The following TRIP12 variants were observed in gnomAD, a reference collection of about 807,000 sequenced individuals.
The protein encoded by TRIP12 is E3 ubiquitin-protein ligase TRIP12.
In TRIP12, 25 loss-of-function variants were observed where a neutral mutation model predicts 244.2. That is an observed-to-expected ratio of 0.10 (90% confidence interval 0.07 to 0.14). The LOEUF (loss-of-function observed/expected upper bound fraction) is 0.14. Ranked by LOEUF, TRIP12 falls within the 10% of genes least tolerant of loss-of-function variation. The pLI, the probability that TRIP12 is intolerant of heterozygous loss-of-function variation, is 1.00. For synonymous variants in TRIP12, 905 were observed against 873.1 expected (o/e 1.04, Z -0.64); for missense variants, 1,677 against 2,486.4 (o/e 0.67, Z 6.92).
intron 29 of TRIP12, among the ~76,000 whole-genome samples, chr2:229,791,598 CTTAA>C (rs771235615): frequency 2.7e-4 from 41 of 152,152 alleles, no homozygotes; most frequent in Non-Finnish European, 5.6e-4. Context: ...ACATTTTTGT[CTTAA>C]TTAAAGACCT....
intron 8 of TRIP12, among the ~76,000 whole-genome samples, chr2:229,822,481 C>A (rs1490796291): frequency 6.6e-6 from 1 of 152,196 alleles, no homozygotes; most frequent in Non-Finnish European, 1.5e-5. Flanking sequence ...TGAAATGAGT[C>A]ATACCAAAAT....
At chr2:229,810,299 C>G (rs1002464093) in intron 15 of TRIP12, among the ~76,000 whole-genome samples, 8 of 152,214 alleles carry the variant, frequency 5.3e-5, no homozygotes, top group Admixed American at 5.2e-4. Flanking sequence ...GAGGAATGGT[C>G]AACTGCAAGA....
At chr2:229,867,517 A>C (rs2061777664) in intron 2 of TRIP12, among the ~76,000 whole-genome samples, 3 of 151,960 alleles carry the variant, frequency 2.0e-5, no homozygotes, top group African/African-American at 7.2e-5. Context: ...AGGGAGGAAA[A>C]CACCACTATT....
chr2:229,797,960 T>C (rs2043224059), intron 23 of TRIP12, 129 bp from the exon 24 acceptor site: 3 of 915,926 alleles, frequency 3.3e-6, no homozygotes, highest in Admixed American at 6.2e-5. Context: ...AAACTCCAGA[T>C]TCCATAACCA....
chr2:229,844,744 A>G (rs1049595788), intron 4 of TRIP12, among the ~76,000 whole-genome samples: 2 of 152,242 alleles, frequency 1.3e-5, no homozygotes, highest in African/African-American at 2.4e-5. Flanking sequence ...TCTTCATTCC[A>G]TAAGTAATTA....
chr2:229,917,323 G>GT (rs943334569), intron 1 of TRIP12, among the ~76,000 whole-genome samples: 1 of 125,828 alleles, frequency 7.9e-6, no homozygotes, highest in Non-Finnish European at 1.6e-5. Context: ...GGAGCCTGCA[G>GT]TGAGCCAAGA....
At chr2:229,829,354 T>C in intron 7 of TRIP12, 66 bp from the exon 8 acceptor site, 1 of 1,318,108 alleles carries the variant, frequency 7.6e-7, no homozygotes, top group Non-Finnish European at 1.1e-6. Flanking sequence ...TATCTAAAAA[T>C]TTCAAGTAAC....
chr2:229,793,520 T>C (rs2042060994), intron 26 of TRIP12, among the ~76,000 whole-genome samples: 1 of 151,978 alleles, frequency 6.6e-6, no homozygotes, highest in Non-Finnish European at 1.5e-5. Context: ...TCCTATTGAA[T>C]TATATTTTTT....
chr2:229,894,834 G>A (rs1241853514), intron 1 of TRIP12, among the ~76,000 whole-genome samples: 2 of 152,166 alleles, frequency 1.3e-5, no homozygotes, highest in East Asian at 3.8e-4. Flanking sequence ...TACAGGGATA[G>A]AACTTGAGGT....
chr2:229,886,376 G>A (rs78103905), intron 1 of TRIP12, among the ~76,000 whole-genome samples: 2,144 of 152,226 alleles, frequency 0.014, 54 homozygotes, highest in African/African-American at 0.048. Flanking sequence ...AAAGGGCTAC[G>A]TTAGGGTCTG....
In TRIP12 at chr2:229,774,013, C is replaced by G. The variant is rs372441818; in HGVS notation, c.5694+84G>C. On this transcript the variant is annotated intron_variant, in intron 38 of 41. Coordinates refer to ENST00000675903, the MANE Select transcript of TRIP12 (RefSeq NM_001348323.3). ...GGATGTGGAAGGTCTCAAGCCATAG[C>G]GTGTGCAGCCAGAAGCAAGGTACAA... 13 of 1,435,550 alleles carry G rather than the reference C, an allele frequency of 9.1e-6. No individual in the cohort carries two copies. The Admixed American group carries it at 2.3e-4, about 26-fold the overall frequency. 88.9% of individuals were successfully genotyped at this position (1,435,550 alleles called of 1,614,324 possible). A position where few individuals can be genotyped will look rare whatever the true frequency, so the allele number is the denominator to read the frequency against.
At chr2:229,779,839 T>G (rs1338829712) in intron 34 of TRIP12, among the ~76,000 whole-genome samples, 1 of 152,168 alleles carries the variant, frequency 6.6e-6, no homozygotes, top group Non-Finnish European at 1.5e-5. Context: ...AGACACCTGA[T>G]GTGGACATGC....
intron 1 of TRIP12, among the ~76,000 whole-genome samples, 163 bp from the exon 2 acceptor site, chr2:229,880,291 TCAA>T (rs2064557902): frequency 6.6e-6 from 1 of 152,228 alleles, no homozygotes; most frequent in Non-Finnish European, 1.5e-5. Context: ...GTCTGACTGA[TCAA>T]CGTGTTAACA....
intron 1 of TRIP12, among the ~76,000 whole-genome samples, chr2:229,893,430 T>G (rs914547183): frequency 6.6e-6 from 1 of 151,908 alleles, no homozygotes; most frequent in Non-Finnish European, 1.5e-5. Context: ...CAAGAAACTT[T>G]CCTCACGCTC....
At chr2:229,835,026 T>C (rs990561523) in intron 6 of TRIP12, among the ~76,000 whole-genome samples, 2 of 152,234 alleles carry the variant, frequency 1.3e-5, no homozygotes, top group African/African-American at 4.8e-5. Context: ...ATTTAGGTAT[T>C]TTCTTCTACA....
At chr2:229,856,590 C>G (rs1425249941) in intron 4 of TRIP12, among the ~76,000 whole-genome samples, 1 of 152,214 alleles carries the variant, frequency 6.6e-6, no homozygotes, top group African/African-American at 2.4e-5. Flanking sequence ...GAGATGAGTT[C>G]TTCAAGTGAG....
intron 4 of TRIP12, among the ~76,000 whole-genome samples, chr2:229,844,245 C>T (rs549408487): frequency 6.6e-6 from 1 of 152,152 alleles, no homozygotes; most frequent in Non-Finnish European, 1.5e-5. Flanking sequence ...TTAAAATGTA[C>T]TTCTCATTAC....
intron 4 of TRIP12, among the ~76,000 whole-genome samples, chr2:229,854,627 A>G (rs1374577079): frequency 6.6e-6 from 1 of 152,238 alleles, no homozygotes; most frequent in Non-Finnish European, 1.5e-5. Flanking sequence ...ACTCCTCAAA[A>G]TATCATTACC....
At position 229,859,213 on chromosome 2, in the gene TRIP12, T is replaced by A. The variant is rs1383969006; in HGVS notation, c.586A>T (p.Ser196Cys). The change falls in exon 4 of 42, where the codon AGT becomes TGT. Residue 196 changes from serine (S) to cysteine (C), a missense_variant. Transcript: ENST00000675903. ...SRSQKRKRTE[S>C]SCVKSGSGSE... ...CCGGAGCCACTCTTTACACAAGAAC[T>A]CTCTGTCCTTTTTCTTTTCTGACTC... 9 of 1,614,030 alleles carry A rather than the reference T, an allele frequency of 5.6e-6. No individual in the cohort carries two copies. Among genetic ancestry groups the A allele is most frequent in the African/African-American group, 1.3e-5 (1 of 74,894 alleles).
Sources: gnomAD v4.1 joint callset for allele counts (sites outside exome capture counted in the v4.1 genomes callset) on GRCh38, gnomAD v4.1.1 for gene constraint, MANE v1.5 for transcripts, NCBI Gene and HGNC (gene_info 2026-07-23, HGNC 2026-07-21) for gene names.